Variants in PMS1 observed in about 807,000 individuals in gnomAD.
The protein encoded by PMS1 is PMS1 protein homolog 1.
Under a neutral mutation model 93.1 loss-of-function variants are expected in PMS1, and 79 were observed. The ratio of observed to expected loss-of-function variants is 0.85; its 90% CI spans 0.71 to 1.02. The LOEUF (loss-of-function observed/expected upper bound fraction) is 1.02, where lower values mean the gene tolerates loss of function less well. Ranked by LOEUF, PMS1 falls within the 50% of genes least tolerant of loss-of-function variation. The pLI, the probability that PMS1 is intolerant of heterozygous loss-of-function variation, is 0.00. For missense variants in PMS1, 1,064 were observed against 1,085.3 expected, an observed-to-expected ratio of 0.98 and a Z score of 0.28; for synonymous variants, 335 against 363.4, an observed-to-expected ratio of 0.92 and a Z score of 0.89.
In PMS1 at chr2:189,828,909, A is replaced by G. The variant is rs1458567959; in HGVS notation, c.582+10729A>G. On this transcript the variant is annotated intron_variant, in intron 5 of 12. Transcript: ENST00000441310. ...TCTGAAAAAAAAAAAAAAAAAGAGG[A>G]CGTAGAAGGATCCTTAGATCTTTAC... is the stretch of plus-strand genomic sequence containing the variant. Among the ~76,000 whole-genome samples the G allele has an allele frequency of 2.0e-5, 3 of 148,916 alleles. No individual in the cohort carries two copies. In the South Asian group the frequency reaches 6.3e-4, roughly 31 times the overall value.
intron 5 of PMS1, among the ~76,000 whole-genome samples, chr2:189,825,606 G>C (rs1027727141): frequency 6.6e-6 from 1 of 152,148 alleles, no homozygotes; most frequent in Admixed American, 6.5e-5. Flanking sequence ...ATTTGTGTGT[G>C]TACTTGCTTT....
chr2:189,848,279 A>G (rs1426639846), intron 6 of PMS1, among the ~76,000 whole-genome samples: 1 of 152,226 alleles, frequency 6.6e-6, no homozygotes, highest in African/African-American at 2.4e-5. Context: ...TCTGAAGACT[A>G]GCAGTGTTGG....
At chr2:189,829,102 C>T (rs2106364497) in intron 5 of PMS1, among the ~76,000 whole-genome samples, 1 of 152,230 alleles carries the variant, frequency 6.6e-6, no homozygotes, top group East Asian at 1.9e-4. Flanking sequence ...CTACAGTTCA[C>T]ATATCTTAAT....
intron 10 of PMS1, among the ~76,000 whole-genome samples, chr2:189,866,965 T>C (rs1011831783): frequency 6.6e-6 from 1 of 152,216 alleles, no homozygotes; most frequent in African/African-American, 2.4e-5. Flanking sequence ...ATGTGATATA[T>C]AGCCAAAGCT....
intron 4 of PMS1, among the ~76,000 whole-genome samples, chr2:189,816,423 G>T (rs1284631609): frequency 6.6e-6 from 1 of 152,078 alleles, no homozygotes; most frequent in African/African-American, 2.4e-5. Flanking sequence ...GTCTTTTCTT[G>T]TAAGAAACTT....
At chr2:189,802,051 T>C (rs1284139942) in intron 3 of PMS1, among the ~76,000 whole-genome samples, 1 of 152,206 alleles carries the variant, frequency 6.6e-6, no homozygotes, top group Non-Finnish European at 1.5e-5. Context: ...TTCTCTCGTT[T>C]TTCCCTCAGA....
chr2:189,820,408 C>G (rs1007490873), intron 5 of PMS1, among the ~76,000 whole-genome samples: 1 of 152,112 alleles, frequency 6.6e-6, no homozygotes, highest in Admixed American at 6.5e-5. Context: ...GCAATCCCTT[C>G]CACCTCAGCC....
chr2:189,843,966 A>C lies in PMS1; in HGVS notation c.585A>C (p.Ala195=). Residue 195 remains alanine, a splice_region_variant and synonymous_variant, in exon 6 of 13, where the codon GCA becomes GCC. Coordinates refer to ENST00000441310, the MANE Select transcript of PMS1 (RefSeq NM_000534.5). ...ATCTATATCATTTTTGTCCCTAGGC[A>C]GTTATTTGGCAGAAAAGCAGAGTAT... ...DLRIVFVHNK[A]VIWQKSRVSD... 1 of 1,612,918 alleles carries C rather than the reference A, an allele frequency of 6.2e-7. No individual in the cohort carries two copies. Among genetic ancestry groups the C allele is most frequent in the Non-Finnish European group, 8.5e-7 (1 of 1,179,020 alleles).
At chr2:189,868,114 C>T (rs1186686120) in intron 11 of PMS1, among the ~76,000 whole-genome samples, 185 bp downstream of exon 11, 1 of 152,214 alleles carries the variant, frequency 6.6e-6, no homozygotes, top group African/African-American at 2.4e-5. Flanking sequence ...AGTTTGGCAT[C>T]TCTTTCAGTC....
chr2:189,864,553 G>A (rs1031528581), intron 10 of PMS1, among the ~76,000 whole-genome samples: 5 of 145,910 alleles, frequency 3.4e-5, no homozygotes, highest in African/African-American at 7.6e-5. Flanking sequence ...CTACTTGGGA[G>A]GCTGAGGCAG....
At chr2:189,858,968 T>C (rs901211968) in intron 9 of PMS1, among the ~76,000 whole-genome samples, 3 of 152,192 alleles carry the variant, frequency 2.0e-5, no homozygotes, top group African/African-American at 7.2e-5. Context: ...CACTGTTCTC[T>C]CAATAATATT....
At chr2:189,798,756 GATTT>G (rs2049591374) in intron 3 of PMS1, among the ~76,000 whole-genome samples, 1 of 125,236 alleles carries the variant, frequency 8.0e-6, no homozygotes. Flanking sequence ...ATAAGTATTT[GATTT>G]TTTTTTTTTT....
intron 6 of PMS1, among the ~76,000 whole-genome samples, chr2:189,846,437 C>G (rs1157412141): frequency 2.6e-5 from 4 of 151,280 alleles, no homozygotes; most frequent in Non-Finnish European, 5.9e-5. Flanking sequence ...GCTTTTGAAC[C>G]CAGGAGGCAG....
At chr2:189,875,526 C>T (rs532883658) in intron 12 of PMS1, among the ~76,000 whole-genome samples, 42 of 152,024 alleles carry the variant, frequency 2.8e-4, no homozygotes, top group African/African-American at 7.5e-4. Flanking sequence ...TAGGAATAGA[C>T]GACATTTGCC....
In PMS1 at chr2:189,855,028, C is replaced by T. The variant is rs566975683; in HGVS notation, c.1756C>T (p.Arg586Cys). The T allele has an allele frequency of 5.6e-6, 9 of 1,612,610 alleles. No individual in the cohort carries two copies. Among genetic ancestry groups the T allele is most frequent in the African/African-American group, 2.7e-5 (2 of 74,992 alleles). ...SASALFVQDH[R>C]PQFLIENPKT... ...AAGTGCTCTTTTTGTTCAAGATCAT[C>T]GTCCTCAGTTTCTCATAGAAAATCC... Residue 586 changes from arginine (R) to cysteine (C), a missense_variant, in exon 9 of 13, where the codon CGT becomes TGT. By Grantham distance (180) the Arg-to-Cys change is radical. Transcript: ENST00000441310.
At chr2:189,861,305 G>A (rs1232363530) in intron 9 of PMS1, among the ~76,000 whole-genome samples, 1 of 151,522 alleles carries the variant, frequency 6.6e-6, no homozygotes, top group East Asian at 1.9e-4. Context: ...AATTTCACTT[G>A]TATTTGGTGT....
intron 7 of PMS1, 23 bp from the exon 8 acceptor site, chr2:189,853,916 T>G (rs778265803): frequency 7.0e-7 from 1 of 1,426,856 alleles, no homozygotes; most frequent in Non-Finnish European, 9.7e-7. Context: ...ATTTTTTCTT[T>G]TATTTATTAC....
intron 10 of PMS1, among the ~76,000 whole-genome samples, chr2:189,867,509 T>C (rs2056766953): frequency 6.6e-6 from 1 of 151,510 alleles, no homozygotes; most frequent in Non-Finnish European, 1.5e-5. Flanking sequence ...TAAAATGGAA[T>C]TATTTATAAA....
chr2:189,861,647 G>A (rs933479438), intron 9 of PMS1, among the ~76,000 whole-genome samples: 9 of 151,844 alleles, frequency 5.9e-5, no homozygotes, highest in African/African-American at 2.2e-4. Context: ...TACTCTGGAG[G>A]CTGAGGCAGG....
Sources: allele counts gnomAD v4.1 joint callset (sites outside exome capture counted in the v4.1 genomes callset), GRCh38; gene constraint gnomAD v4.1.1; transcripts MANE v1.5; gene names NCBI Gene and HGNC (gene_info 2026-07-23, HGNC 2026-07-21).